The following COL5A3 variants were observed in gnomAD, a reference collection of about 807,000 sequenced individuals.
COL5A3 encodes collagen type V alpha 3 chain.
Under a neutral mutation model 250.0 loss-of-function variants are expected in COL5A3, and 172 were observed. The ratio of observed to expected loss-of-function variants is 0.69; its 90% confidence interval spans 0.61 to 0.78. The LOEUF (loss-of-function observed/expected upper bound fraction) is 0.78, where lower values mean the gene tolerates loss of function less well. Ranked by LOEUF, COL5A3 falls within the 30% of genes least tolerant of loss-of-function variation. COL5A3 has a pLI of 0.00. For missense variants in COL5A3, 2,340 were observed against 2,334.4 expected (o/e 1.00, Z -0.05); for synonymous variants, 937 against 900.4 (o/e 1.04, Z -0.73).
intron 10 of COL5A3, 93 bp downstream of exon 10, chr19:9,997,891 G>A: frequency 7.1e-7 from 1 of 1,400,606 alleles, no homozygotes; most frequent in Non-Finnish European, 1.0e-6. Context: ...ACTTGGCCAG[G>A]CAACATTACA....
intron 64 of COL5A3, among the ~76,000 whole-genome samples, 181 bp downstream of exon 64, chr19:9,966,133 A>AT (rs1312801172): frequency 2.0e-5 from 3 of 151,978 alleles, no homozygotes; most frequent in African/African-American, 7.3e-5. Flanking sequence ...GGCTGGCCTG[A>AT]TTTTTTTTCT....
At chr19:9,963,565 G>T (rs576255755) in intron 64 of COL5A3, among the ~76,000 whole-genome samples, 2 of 121,376 alleles carry the variant, frequency 1.6e-5, no homozygotes, top group Non-Finnish European at 1.7e-5. Flanking sequence ...TTTTTTTGGG[G>T]GGGGGGGCGG....
chr19:9,982,836 T>C lies in COL5A3; in HGVS notation c.2407-718A>G, dbSNP rs560220342. Among the ~76,000 whole-genome samples the C allele has an allele frequency of 2.0e-5, 3 of 152,260 alleles. No homozygotes were observed. In the East Asian group the frequency reaches 5.8e-4, roughly 29 times the overall value. ...TCTCCCTTCCCATCTGGGGGTTCCA[T>C]GGTCTCTATACTCTTTTTTTGTTTG... On this transcript the variant is annotated intron_variant, in intron 31 of 66. Coordinates refer to ENST00000264828, the MANE Select transcript of COL5A3 (RefSeq NM_015719.4).
chr19:9,969,635 C>A lies in COL5A3; in HGVS notation c.4038G>T (p.Gly1346=). The part of the protein sequence containing the change: ...DGPPGRTGPM[G]ARGPPGRVGP... Reference sequence around the variant, plus strand: ...CCACACGTCCAGGGGGCCCTCTAGCCCCCATTGGACCCGTCCTCCCTGGGG... The same window carrying A: ...CCACACGTCCAGGGGGCCCTCTAGCACCCATTGGACCCGTCCTCCCTGGGG... The change falls in exon 56 of 67, where the codon GGG becomes GGT. Residue 1346 remains glycine, a synonymous_variant. Transcript: ENST00000264828. 6.3e-7 allele frequency: 1 copy of A among 1,590,464 alleles called. No individual in the cohort carries two copies. Among genetic ancestry groups the A allele is most frequent in the Non-Finnish European group, 8.5e-7 (1 of 1,174,322 alleles).
intron 37 of COL5A3, 71 bp from the exon 38 acceptor site, chr19:9,979,488 G>T: frequency 6.6e-7 from 1 of 1,525,448 alleles, no homozygotes; most frequent in Non-Finnish European, 9.1e-7. Context: ...GACAGGGAAG[G>T]CCTGATAGGA....
At position 9,998,041 on chromosome 19, in the gene COL5A3, A is replaced by G. The variant is rs1210420078; in HGVS notation, c.1159-16T>C. The G allele has an allele frequency of 6.2e-7, 1 of 1,613,882 alleles. No individual in the cohort carries two copies. Among genetic ancestry groups the G allele is most frequent in the African/African-American group, 1.3e-5 (1 of 74,870 alleles). ...ACTGCTGCCCCTGAAGGGAGAAGTG[A>G]GTGTCGGTGACCGCTGTCATCATGA... is the stretch of plus-strand genomic sequence containing the variant. On this transcript the variant is annotated splice_polypyrimidine_tract_variant and intron_variant, in intron 9 of 66. Transcript: ENST00000264828.
intron 64 of COL5A3, among the ~76,000 whole-genome samples, chr19:9,965,727 T>C (rs2086735704): frequency 6.6e-6 from 1 of 151,926 alleles, no homozygotes; most frequent in Non-Finnish European, 1.5e-5. Context: ...GTGCTGGGAT[T>C]ACAGGCGTGA....
intron 65 of COL5A3, 140 bp downstream of exon 65, chr19:9,962,679 C>T: frequency 1.6e-6 from 1 of 614,746 alleles, no homozygotes; most frequent in South Asian, 2.0e-5. Flanking sequence ...TGCTGCCACC[C>T]CACCTCCAGC....
chr19:9,988,569 G>A (rs1049187686), intron 27 of COL5A3, among the ~76,000 whole-genome samples: 1 of 152,072 alleles, frequency 6.6e-6, no homozygotes, highest in Non-Finnish European at 1.5e-5. Context: ...AGTGGCTCAT[G>A]CCTGTAATCC....
At chr19:9,970,122 G>GAT (rs1219433864) in intron 54 of COL5A3, among the ~76,000 whole-genome samples, 200 bp from the exon 55 acceptor site, 1 of 38,404 alleles carries the variant, frequency 2.6e-5, no homozygotes, top group African/African-American at 1.9e-4. Context: ...GTGAGTGGAG[G>GAT]CTGTGGGTGA....
chr19:9,979,603 A>G (rs1318163653), intron 37 of COL5A3, among the ~76,000 whole-genome samples, 186 bp from the exon 38 acceptor site: 3 of 152,078 alleles, frequency 2.0e-5, no homozygotes, highest in Non-Finnish European at 4.4e-5. Context: ...CAGCCTGGTC[A>G]ACATGATGAA....
chr19:9,993,530 A>G, intron 18 of COL5A3, 89 bp downstream of exon 18: 1 of 1,577,902 alleles, frequency 6.3e-7, no homozygotes, highest in Non-Finnish European at 8.7e-7. Flanking sequence ...GGACACAGGG[A>G]TCATGACTCT....
chr19:9,994,637 A>G (rs193132595), intron 16 of COL5A3, among the ~76,000 whole-genome samples: 1 of 139,304 alleles, frequency 7.2e-6, no homozygotes, highest in Admixed American at 7.4e-5. Context: ...ACAGGGATAC[A>G]TTCTGAGAAA....
chr19:10,006,348 C>A (rs11085532), intron 1 of COL5A3, 117 bp from the exon 2 acceptor site: 499,043 of 985,506 alleles, frequency 0.51, 131,401 homozygotes, highest in South Asian at 0.66. Context: ...TCCCTCCCTC[C>A]CACCATGTTT....
intron 11 of COL5A3, 62 bp from the exon 12 acceptor site, chr19:9,996,751 CAG>C (rs1315518251): frequency 1.5e-6 from 2 of 1,308,526 alleles, no homozygotes; most frequent in Non-Finnish European, 2.1e-6. Flanking sequence ...AGAGCGAGGA[CAG>C]GGGAGGCACA....
chr19:9,977,949 T>TAC (rs2086947899), intron 41 of COL5A3, among the ~76,000 whole-genome samples: 1 of 19,682 alleles, frequency 5.1e-5, no homozygotes, highest in Non-Finnish European at 9.4e-5. Context: ...AGCCTATACA[T>TAC]ATATATATAT....
intron 4 of COL5A3, 122 bp downstream of exon 4, chr19:10,005,436 C>T: frequency 9.8e-7 from 1 of 1,023,128 alleles, no homozygotes; most frequent in Non-Finnish European, 1.5e-6. Context: ...ACTCGCTTCC[C>T]TTAGCTTCCT....
chr19:9,966,121 C>T (rs1206187585), intron 64 of COL5A3, among the ~76,000 whole-genome samples, 193 bp downstream of exon 64: 1 of 152,234 alleles, frequency 6.6e-6, no homozygotes, highest in East Asian at 1.9e-4. Flanking sequence ...CATGTGCCAC[C>T]AGGCTGGCCT....
rs1490139033 is a variant in COL5A3, at chr19:10,010,460, G to T, written c.-75C>A. 1.8e-5 allele frequency: 18 copies of T among 990,704 alleles called. No individual in the cohort carries two copies. The African/African-American group carries it at 2.5e-4, about 14-fold the overall frequency. The allele number at this position is 990,704 out of a possible 1,614,324, so 61.4% of individuals were successfully genotyped here. On this transcript the variant is annotated 5_prime_UTR_variant, in exon 1 of 67. Transcript: ENST00000264828. ...GGCGCGGCGACTTCTCGGGCTCGGT[G>T]CAGTCACTCGCGGCGGCCGCTCCTC...
Sources: allele counts gnomAD v4.1 joint callset (sites outside exome capture counted in the v4.1 genomes callset), GRCh38; gene constraint gnomAD v4.1.1; transcripts MANE v1.5; gene names NCBI Gene and HGNC (gene_info 2026-07-23, HGNC 2026-07-21).